Variants in DHX8 observed in about 807,000 individuals in gnomAD.
DHX8 encodes the protein ATP-dependent RNA helicase DHX8.
Under a neutral mutation model 140.7 loss-of-function variants are expected in DHX8, and 67 were observed. That is an observed-to-expected ratio of 0.48 (90% CI 0.39 to 0.58). The LOEUF (loss-of-function observed/expected upper bound fraction) is 0.58. DHX8 is among the 20% of genes least tolerant of loss of function. The pLI is 0.00. For missense variants in DHX8, 887 were observed against 1,550.7 expected (o/e 0.57, Z 7.19); for synonymous variants, 533 against 553.2 (o/e 0.96, Z 0.51).
chr17:43,491,916 A>G (rs1350422292), intron 4 of DHX8, among the ~76,000 whole-genome samples: 1 of 152,168 alleles, frequency 6.6e-6, no homozygotes, highest in Non-Finnish European at 1.5e-5. Flanking sequence ...TATAATCATC[A>G]CTTGCATTCT....
chr17:43,507,321 C>G, intron 13 of DHX8, 124 bp downstream of exon 13: 2 of 1,187,076 alleles, frequency 1.7e-6, no homozygotes, highest in African/African-American at 1.5e-5. Context: ...GAGAGGGTTC[C>G]CATTGTCATA....
intron 17 of DHX8, among the ~76,000 whole-genome samples, chr17:43,516,534 G>A (rs768068628): frequency 4.6e-5 from 7 of 151,926 alleles, no homozygotes; most frequent in Non-Finnish European, 8.8e-5. Context: ...AGCCAGCCTC[G>A]ACCTCCCCAG....
chr17:43,534,927 G>A (rs958885667), intron 2 of DHX8, among the ~76,000 whole-genome samples: 13 of 152,346 alleles, frequency 8.5e-5, no homozygotes, highest in East Asian at 5.8e-4. Flanking sequence ...GGCAACAAGA[G>A]TGAAACTCTG....
At chr17:43,513,307 C>CGA in intron 16 of DHX8, 55 bp from the exon 17 acceptor site, 1 of 1,551,062 alleles carries the variant, frequency 6.4e-7, no homozygotes, top group South Asian at 1.2e-5. Context: ...GACCTTTTCA[C>CGA]ACCTCAGGGC....
rs1970499595 is a variant in DHX8, at chr17:43,523,646, G to A, written c.3462G>A (p.Leu1154=). 6.2e-7 allele frequency: 1 copy of A among 1,614,130 alleles called. No homozygotes were observed. The highest frequency in any genetic ancestry group is 1.3e-5 in the African/African-American group (1 of 75,026). Residue 1154 remains leucine (L), a synonymous_variant, in exon 23 of 23, where the codon CTG becomes CTA. Coordinates refer to ENST00000262415, the MANE Select transcript of DHX8 (RefSeq NM_004941.3). ...RQPEWVVYHE[L]VLTTKEYMRE... is the part of the protein sequence containing the mutation. Reference sequence around the variant, plus strand: ...CCCTCAGGGTGGTGTACCATGAGCTGGTGCTCACCACCAAGGAATACATGC... The same window carrying A: ...CCCTCAGGGTGGTGTACCATGAGCTAGTGCTCACCACCAAGGAATACATGC...
intron 1 of DHX8, 67 bp downstream of exon 1, chr17:43,484,252 GGAGAAA>G: frequency 6.5e-7 from 1 of 1,534,970 alleles, no homozygotes; most frequent in Non-Finnish European, 8.9e-7. Flanking sequence ...GAAGGAGGAA[GGAGAAA>G]GGTGGTTGAT....
intron 8 of DHX8, among the ~76,000 whole-genome samples, chr17:43,494,461 C>T (rs1968727252): frequency 6.6e-6 from 1 of 152,076 alleles, no homozygotes; most frequent in Admixed American, 6.5e-5. Context: ...ATGGCTCACA[C>T]GTGTAATCCC....
intron 16 of DHX8, 133 bp downstream of exon 16, chr17:43,508,653 G>A (rs866736017): frequency 1.6e-5 from 9 of 579,102 alleles, no homozygotes; most frequent in East Asian, 6.3e-5. Context: ...GCAGAGTCTC[G>A]CTCTCACCCA....
intron 17 of DHX8, among the ~76,000 whole-genome samples, chr17:43,515,430 A>G (rs907409914): frequency 7.2e-5 from 11 of 151,916 alleles, no homozygotes. Flanking sequence ...CACATGATCC[A>G]CCCGCCTCAG....
chr17:43,496,115 C>A (rs1968842291), intron 8 of DHX8, 66 bp from the exon 9 acceptor site: 4 of 1,337,612 alleles, frequency 3.0e-6, no homozygotes, highest in East Asian at 2.3e-5. Flanking sequence ...CAAAACAAAA[C>A]CAAAAAACAA....
chr17:43,514,495 T>C (rs2154586794), intron 17 of DHX8, among the ~76,000 whole-genome samples: 1 of 152,300 alleles, frequency 6.6e-6, no homozygotes, highest in East Asian at 1.9e-4. Context: ...GAGATAATAA[T>C]AAATTATATG....
rs556007216 is a variant in DHX8 at position 43,498,702 on chromosome 17, G to C, written c.1301-160G>C. Among the ~76,000 whole-genome samples the C allele has an allele frequency of 2.5e-4, 38 of 152,280 alleles. No homozygotes were observed. In the East Asian group the frequency reaches 6.9e-3, roughly 28 times the overall value. On this transcript the variant is annotated intron_variant, in intron 9 of 22. Transcript: ENST00000262415. ...GACCTCAAGTGATCCTCCTGCCTCA[G>C]CCTGCCAAAGTGCTGAGATTACAGG...
At chr17:43,530,633 T>A (rs978081498), downstream of DHX8, among the ~76,000 whole-genome samples, 20 of 146,450 alleles carry the variant, frequency 1.4e-4, no homozygotes, top group Admixed American at 6.2e-4. Flanking sequence ...TGTGTGTGTG[T>A]GTGACAGAAA....
downstream of DHX8, chr17:43,529,621 G>A (rs1970780702): frequency 6.2e-7 from 1 of 1,613,980 alleles, no homozygotes; most frequent in Non-Finnish European, 8.5e-7. Context: ...GGGCACCCCG[G>A]CGCTGGTAGG....
Position 43,520,270 on chromosome 17 carries a change from A to G in DHX8, c.2937+3A>G. The G allele has an allele frequency of 5.6e-6, 9 of 1,613,826 alleles. No homozygotes were observed. Among genetic ancestry groups the G allele is most frequent in the South Asian group, 1.1e-5 (1 of 91,020 alleles). On this transcript the variant is annotated splice_donor_region_variant and intron_variant, in intron 19 of 22. Coordinates refer to ENST00000262415, the MANE Select transcript of DHX8 (RefSeq NM_004941.3). ...TGCTCACTCGCTTGGGCCGCCGGGTAAGGGACAGACTCAACTTCCTGTGCT... is the reference window on the plus strand; with the variant it reads ...TGCTCACTCGCTTGGGCCGCCGGGTGAGGGACAGACTCAACTTCCTGTGCT...
At chr17:43,527,703 G>C (rs1177937396), downstream of DHX8, 1 of 191,704 alleles carries the variant, frequency 5.2e-6, no homozygotes, top group Non-Finnish European at 1.1e-5. Context: ...AAACAGTCAG[G>C]TGAACTGCCT....
Position 43,493,803 on chromosome 17 carries a change from A to G in DHX8, c.1129A>G (p.Ser377Gly), listed in dbSNP as rs747698603. 3 of 1,614,206 alleles carry G rather than the reference A, an allele frequency of 1.9e-6. No individual in the cohort carries two copies. The South Asian group carries it at 3.3e-5, about 18-fold the overall frequency. The change falls in exon 8 of 23, where the codon AGT becomes GGT. Residue 377 changes from serine to glycine, a missense_variant. By Grantham distance (56) the Ser-to-Gly change is moderately conservative (BLOSUM62 0). This residue lies in a region of DHX8 where 98 missense variants were observed against 152.7 expected (regional missense o/e 0.64). Coordinates refer to ENST00000262415, the MANE Select transcript of DHX8 (RefSeq NM_004941.3). Reference sequence around the variant, plus strand: ...TAGACCCACTCACTTGTCCCTTGTCAGTGCTCCTGAAGTAGAGGACGACTC... The same window carrying G: ...TAGACCCACTCACTTGTCCCTTGTCGGTGCTCCTGAAGTAGAGGACGACTC... ...PDRPTHLSLVSAPEVEDDSLE... is the reference protein window; with the variant it reads ...PDRPTHLSLVGAPEVEDDSLE...
intron 16 of DHX8, among the ~76,000 whole-genome samples, chr17:43,510,194 A>C (rs912434274): frequency 2.6e-5 from 4 of 151,910 alleles, no homozygotes; most frequent in African/African-American, 9.7e-5. Context: ...GATTACAGGC[A>C]TGTGCCACCA....
At chr17:43,504,950 T>A in intron 12 of DHX8, 125 bp downstream of exon 12, 2 of 912,280 alleles carry the variant, frequency 2.2e-6, no homozygotes, top group South Asian at 1.8e-5. Flanking sequence ...CCAAAAGAGT[T>A]AAGAAAGAAG....
Sources: gnomAD v4.1 joint callset for allele counts (sites outside exome capture counted in the v4.1 genomes callset) on GRCh38, gnomAD v4.1.1 for gene constraint, gnomAD v4.1.1 regional missense constraint, MANE v1.5 for transcripts, NCBI Gene and HGNC (gene_info 2026-07-23, HGNC 2026-07-21) for gene names.